MCC: variants seen among roughly 807,000 people sequenced by gnomAD.
MCC encodes colorectal mutant cancer protein.
Under a neutral mutation model 116.2 loss-of-function variants are expected in MCC, and 90 were observed. The ratio of observed to expected loss-of-function variants is 0.77; its 90% CI spans 0.65 to 0.92. The LOEUF is 0.92. MCC is among the 40% of genes least tolerant of loss of function. The pLI, the probability that MCC is intolerant of heterozygous loss-of-function variation, is 0.00. For synonymous variants in MCC, 578 were observed against 510.5 expected (o/e 1.13, Z -1.78); for missense variants, 1,516 against 1,312.2 (o/e 1.16, Z -2.40).
At chr5:113,097,205 T>C (rs912497239) in intron 8 of MCC, among the ~76,000 whole-genome samples, 2 of 152,338 alleles carry the variant, frequency 1.3e-5, no homozygotes, top group Admixed American at 6.5e-5. Context: ...CCATACTTTT[T>C]TGTTTTTGCT....
chr5:113,259,532 G>A (rs915351587), intron 3 of MCC, among the ~76,000 whole-genome samples: 1 of 152,162 alleles, frequency 6.6e-6, no homozygotes, highest in Non-Finnish European at 1.5e-5. Flanking sequence ...TAATTGGAAA[G>A]TATTTTGCTC....
chr5:113,211,926 C>T (rs1024111005), intron 3 of MCC, among the ~76,000 whole-genome samples: 1 of 152,160 alleles, frequency 6.6e-6, no homozygotes, highest in African/African-American at 2.4e-5. Context: ...TAAAACAATG[C>T]ATTTTTATTA....
intron 3 of MCC, among the ~76,000 whole-genome samples, chr5:113,327,555 A>ATATATATATATATATATATAT (rs1295231073): frequency 1.2e-5 from 1 of 80,974 alleles, no homozygotes; most frequent in Non-Finnish European, 2.7e-5. Flanking sequence ...CAAAAAAAAA[A>ATATATATATATATATATATAT]AAAAAAATAT....
intron 17 of MCC, among the ~76,000 whole-genome samples, chr5:113,035,967 T>C (rs896468595): frequency 1.3e-5 from 2 of 151,412 alleles, no homozygotes; most frequent in Admixed American, 6.6e-5. Context: ...CCACATAACC[T>C]TGGAAGTCAG....
intron 3 of MCC, among the ~76,000 whole-genome samples, chr5:113,323,707 T>C (rs1373806061): frequency 1.3e-5 from 2 of 152,192 alleles, no homozygotes; most frequent in East Asian, 3.8e-4. Context: ...AGAAGACTAA[T>C]GCAATTCTCT....
At chr5:113,096,984 T>G (rs998279303) in intron 8 of MCC, among the ~76,000 whole-genome samples, 11 of 152,194 alleles carry the variant, frequency 7.2e-5, no homozygotes, top group African/African-American at 2.2e-4. Context: ...AGAGGAGCGG[T>G]GTTGAGACAG....
rs562757044 is a variant in MCC, at chr5:113,197,745, T to C, written c.628-46323A>G. On this transcript the variant is annotated intron_variant, in intron 3 of 18. Transcript: ENST00000408903. The stretch of plus-strand genomic sequence containing the variant: ...CATGGGTGAATTACTATCCTCACTT[T>C]ATAGTTGAGAAGAAAAGGAGGCAGG... Among the ~76,000 whole-genome samples, 12 of 152,340 alleles carry C rather than the reference T, an allele frequency of 7.9e-5. No individual in the cohort carries two copies. In the South Asian group the frequency reaches 2.5e-3, roughly 32 times the overall value.
Position 113,387,091 on chromosome 5 carries a change from C to T in MCC, c.171-1879G>A, listed in dbSNP as rs1769279077. 2.0e-5 allele frequency among the ~76,000 whole-genome samples: 3 copies of T among 152,188 alleles called. No individual in the cohort carries two copies. The South Asian group carries it at 6.2e-4, about 32-fold the overall frequency. ...CTGTTGAGCTTGTCCCCTTTTGCTTCAGTCATCATTAGGAGAAAAACATAC... is the reference window on the plus strand; with the variant it reads ...CTGTTGAGCTTGTCCCCTTTTGCTTTAGTCATCATTAGGAGAAAAACATAC... On this transcript the variant is annotated intron_variant, in intron 1 of 18. Transcript: ENST00000408903.
At chr5:113,448,861 A>G (rs1263002963) in intron 1 of MCC, among the ~76,000 whole-genome samples, 1 of 152,228 alleles carries the variant, frequency 6.6e-6, no homozygotes. Flanking sequence ...AAATAGAGGT[A>G]TAACATTTGA....
At chr5:113,346,401 C>A (rs889342097) in intron 2 of MCC, among the ~76,000 whole-genome samples, 10 of 152,012 alleles carry the variant, frequency 6.6e-5, no homozygotes, top group African/African-American at 2.4e-4. Context: ...AGTTCAAGAC[C>A]AGCCTGGACA....
intron 15 of MCC, among the ~76,000 whole-genome samples, chr5:113,050,790 G>A (rs138160122): frequency 7.7e-4 from 117 of 152,350 alleles, no homozygotes; most frequent in African/African-American, 2.7e-3. Context: ...AGAGAGAACG[G>A]CAAGGAGGGC....
intron 1 of MCC, among the ~76,000 whole-genome samples, chr5:113,396,759 T>A (rs149167853): frequency 6.6e-6 from 1 of 152,342 alleles, no homozygotes; most frequent in African/African-American, 2.4e-5. Flanking sequence ...GTCTATTTTC[T>A]TCACTGTTGT....
At chr5:113,387,413 G>C (rs1424463190) in intron 1 of MCC, among the ~76,000 whole-genome samples, 1 of 152,202 alleles carries the variant, frequency 6.6e-6, no homozygotes, top group Non-Finnish European at 1.5e-5. Context: ...TCATCCAAGA[G>C]TTAGGGATGA....
intron 14 of MCC, among the ~76,000 whole-genome samples, chr5:113,056,796 G>A (rs999647305): frequency 1.3e-5 from 2 of 152,150 alleles, no homozygotes; most frequent in Admixed American, 6.5e-5. Flanking sequence ...AAATGCAGAA[G>A]TCATCATTCA....
At chr5:113,094,166 ATATT>A (rs931933704) in intron 8 of MCC, among the ~76,000 whole-genome samples, 57 of 152,136 alleles carry the variant, frequency 3.7e-4, no homozygotes, top group African/African-American at 1.4e-3. Flanking sequence ...TTTACAGCAA[ATATT>A]TATTTCTTTC....
chr5:113,097,435 A>G (rs1756094841), intron 8 of MCC, among the ~76,000 whole-genome samples: 1 of 152,186 alleles, frequency 6.6e-6, no homozygotes, highest in South Asian at 2.1e-4. Flanking sequence ...ACAACATATT[A>G]CCATTATGAT....
intron 12 of MCC, among the ~76,000 whole-genome samples, chr5:113,070,591 A>C (rs1753968807): frequency 6.6e-6 from 1 of 152,250 alleles, no homozygotes; most frequent in Non-Finnish European, 1.5e-5. Flanking sequence ...TGAAGATCTT[A>C]TCTGCATTAA....
chr5:113,383,962 C>T (rs1424199600), intron 2 of MCC, among the ~76,000 whole-genome samples: 1 of 152,110 alleles, frequency 6.6e-6, no homozygotes, highest in Non-Finnish European at 1.5e-5. Flanking sequence ...AGCAGAGAAA[C>T]AATGAGATCA....
In MCC at chr5:113,332,031, G is replaced by A. The variant is rs148520746; in HGVS notation, c.627+8488C>T. On this transcript the variant is annotated intron_variant, in intron 3 of 18. Coordinates refer to ENST00000408903, the MANE Select transcript of MCC (RefSeq NM_001085377.2). ...CTTGAGAACTCCTGATGACAACAACGTCATCTTGAGACAGCTCTTAGACTA... is the reference window on the plus strand; with the variant it reads ...CTTGAGAACTCCTGATGACAACAACATCATCTTGAGACAGCTCTTAGACTA... Among the ~76,000 whole-genome samples, 503 of 151,538 alleles carry A rather than the reference G, an allele frequency of 3.3e-3. 3 individuals carry two copies. The highest frequency in any genetic ancestry group is 6.1e-3 in the Admixed American group (93 of 15,222).
Sources: gnomAD v4.1 joint callset for allele counts (sites outside exome capture counted in the v4.1 genomes callset) on GRCh38, gnomAD v4.1.1 for gene constraint, MANE v1.5 for transcripts, NCBI Gene and HGNC (gene_info 2026-07-23, HGNC 2026-07-21) for gene names.